Variants in SMARCC1 observed in about 807,000 individuals in gnomAD.
The protein encoded by SMARCC1 is SWI/SNF related BAF chromatin remodeling complex subunit C1.
SMARCC1 carries 43 observed loss-of-function variants against 147.4 expected under a neutral mutation model. The ratio of observed to expected loss-of-function variants is 0.29; its 90% CI spans 0.23 to 0.38. SMARCC1 has a LOEUF of 0.38. Ranked by LOEUF, SMARCC1 falls within the 10% of genes least tolerant of loss-of-function variation. SMARCC1 has a pLI of 1.00. For synonymous variants in SMARCC1, 495 were observed against 484.4 expected, an observed-to-expected ratio of 1.02 and a Z score of -0.29; for missense variants, 1,119 against 1,381.1, an observed-to-expected ratio of 0.81 and a Z score of 3.01.
At chr3:47,641,537 T>C (rs1181247903) in intron 21 of SMARCC1, among the ~76,000 whole-genome samples, 1 of 152,114 alleles carries the variant, frequency 6.6e-6, no homozygotes, top group Non-Finnish European at 1.5e-5. Flanking sequence ...AGTTAAAATG[T>C]GCACAGACTA....
chr3:47,747,486 A>ATAAAT (rs1185664403), intron 2 of SMARCC1, among the ~76,000 whole-genome samples: 1 of 12,712 alleles, frequency 7.9e-5, no homozygotes, highest in Non-Finnish European at 7.0e-4. Flanking sequence ...TAAATATAAA[A>ATAAAT]ATTAGCCAGG....
intron 12 of SMARCC1, among the ~76,000 whole-genome samples, chr3:47,692,458 T>C (rs967255180): frequency 6.6e-6 from 1 of 152,264 alleles, no homozygotes; most frequent in African/African-American, 2.4e-5. Context: ...TTTTGCATAC[T>C]GTTACAAAAA....
intron 26 of SMARCC1, among the ~76,000 whole-genome samples, chr3:47,606,973 G>A (rs933260831): frequency 1.3e-5 from 2 of 151,352 alleles, no homozygotes; most frequent in South Asian, 2.1e-4. Context: ...TCTTGGCCTC[G>A]CAAAGTGCTG....
At chr3:47,748,000 AT>A in intron 2 of SMARCC1, among the ~76,000 whole-genome samples, 1 of 151,818 alleles carries the variant, frequency 6.6e-6, no homozygotes, top group Admixed American at 6.6e-5. Flanking sequence ...TCTACTAAAA[AT>A]ACAAAAATTA....
chr3:47,660,532 G>C (rs181820764), intron 21 of SMARCC1, among the ~76,000 whole-genome samples: 1 of 145,438 alleles, frequency 6.9e-6, no homozygotes, highest in Admixed American at 6.8e-5. Flanking sequence ...TCCACACAAA[G>C]AAATAATCAG....
At chr3:47,761,303 GA>G (rs533602815) in intron 2 of SMARCC1, among the ~76,000 whole-genome samples, 9 of 143,122 alleles carry the variant, frequency 6.3e-5, no homozygotes, top group South Asian at 2.2e-4. Flanking sequence ...CAGTATCTCA[GA>G]AAAAAAAAAG....
intron 2 of SMARCC1, among the ~76,000 whole-genome samples, chr3:47,768,534 T>C (rs1576436802): frequency 6.6e-6 from 1 of 152,228 alleles, no homozygotes; most frequent in Non-Finnish European, 1.5e-5. Context: ...ATTTCAATCG[T>C]ATTATGTAAA....
At chr3:47,755,639 ATGAGGTCAGGAGTT>A (rs2034687973) in intron 2 of SMARCC1, among the ~76,000 whole-genome samples, 1 of 151,866 alleles carries the variant, frequency 6.6e-6, no homozygotes, top group Admixed American at 6.6e-5. Context: ...CGGGCGGATC[ATGAGGTCAGGAGTT>A]CGAGACCACC....
chr3:47,696,704 G>T (rs1357026847), intron 11 of SMARCC1, among the ~76,000 whole-genome samples: 3 of 151,854 alleles, frequency 2.0e-5, no homozygotes, highest in Admixed American at 2.0e-4. Context: ...TGTATTTTTA[G>T]TAGAGACAGG....
chr3:47,606,620 T>C (rs2106663568), intron 26 of SMARCC1, among the ~76,000 whole-genome samples: 1 of 152,318 alleles, frequency 6.6e-6, no homozygotes, highest in Non-Finnish European at 1.5e-5. Flanking sequence ...TTTAGCACCA[T>C]CAAGAGCCAA....
At position 47,730,480 on chromosome 3, in the gene SMARCC1, G is replaced by C. The variant is rs564487201; in HGVS notation, c.577-1386C>G. Among the ~76,000 whole-genome samples the C allele has an allele frequency of 3.1e-4, 47 of 152,258 alleles. No homozygotes were observed. In the South Asian group the frequency reaches 9.5e-3, roughly 31 times the overall value. ...TGGGCAATACAGTGAGAGAGACCCT[G>C]TCTCTCAAAACAAAAATCAAAAGTT... On this transcript the variant is annotated intron_variant, in intron 5 of 27. Transcript: ENST00000254480.
intron 21 of SMARCC1, among the ~76,000 whole-genome samples, chr3:47,652,184 C>G (rs2033198540): frequency 6.6e-6 from 1 of 152,020 alleles, no homozygotes; most frequent in Non-Finnish European, 1.5e-5. Flanking sequence ...CTATGTTGAC[C>G]AGGCTGGTCT....
chr3:47,738,112 T>TAA lies in SMARCC1; in HGVS notation c.402-4_402-3dup. 3.3e-6 allele frequency: 5 copies of TAA among 1,511,964 alleles called. No individual in the cohort carries two copies. Among genetic ancestry groups the TAA allele is most frequent in the South Asian group, 1.3e-5 (1 of 76,132 alleles). 93.7% of individuals were successfully genotyped at this position (1,511,964 alleles called of 1,614,324 possible). A position where few individuals can be genotyped will look rare whatever the true frequency, so the allele number is the denominator to read the frequency against. ...GGGTTCTGTAGGTCAAACCTCCGCC[T>TAA]AAAAAAAAAGAAAAACCCTAGTTAA... On this transcript the variant is annotated splice_region_variant and splice_polypyrimidine_tract_variant and intron_variant, in intron 3 of 27. Transcript: ENST00000254480.
chr3:47,659,759 A>AGG (rs1559637270), intron 21 of SMARCC1, among the ~76,000 whole-genome samples: 22 of 26,072 alleles, frequency 8.4e-4, no homozygotes, highest in South Asian at 1.7e-3. Flanking sequence ...AGAAAAAAAA[A>AGG]AGGGGGGGGG....
At chr3:47,644,417 G>A (rs2033091599) in intron 21 of SMARCC1, among the ~76,000 whole-genome samples, 1 of 152,140 alleles carries the variant, frequency 6.6e-6, no homozygotes, top group African/African-American at 2.4e-5. Context: ...GATCACTTGG[G>A]CCTAGGTGTT....
intron 26 of SMARCC1, among the ~76,000 whole-genome samples, chr3:47,598,862 G>GACAC (rs113400730): frequency 0.11 from 14,263 of 127,988 alleles, 883 homozygotes; most frequent in Non-Finnish European, 0.14. Context: ...GAGAGAGAGA[G>GACAC]ACACACACAC....
In SMARCC1 at chr3:47,662,364, C is replaced by T. The variant is rs750711915; in HGVS notation, c.2128G>A (p.Val710Met). The change falls in exon 20 of 28, where the codon GTG (valine) becomes ATG (methionine). Residue 710 changes from valine to methionine, a missense_variant. Val to Met is a conservative substitution (Grantham distance 21, BLOSUM62 1). Around this residue, in one of 6 missense-constraint regions of SMARCC1, gnomAD observed 178 missense variants for 264.6 expected, o/e 0.67. Transcript: ENST00000254480. ...AFLASVVDPR[V>M]ASAAAKAALE... ...GCCGCTTTTGCTGCAGCAGATGCCA[C>T]GCGAGGGTCCACCACAGATGCCAAA... 21 of 1,613,934 alleles carry T rather than the reference C, an allele frequency of 1.3e-5. No homozygotes were observed. Among genetic ancestry groups the T allele is most frequent in the South Asian group, 2.2e-5 (2 of 91,066 alleles).
At chr3:47,658,364 AT>A in intron 21 of SMARCC1, among the ~76,000 whole-genome samples, 1 of 152,356 alleles carries the variant, frequency 6.6e-6, no homozygotes, top group Middle Eastern at 3.4e-3. Context: ...ACGTGCAACC[AT>A]CCCCATGGTA....
At chr3:47,595,675 T>C (rs1252923192) in intron 26 of SMARCC1, among the ~76,000 whole-genome samples, 1 of 152,110 alleles carries the variant, frequency 6.6e-6, no homozygotes, top group Admixed American at 6.6e-5. Flanking sequence ...TACCATACCC[T>C]TTTGTGGTAC....
Sources: allele counts gnomAD v4.1 joint callset (sites outside exome capture counted in the v4.1 genomes callset), GRCh38; gene constraint gnomAD v4.1.1; regional missense constraint gnomAD v4.1.1; transcripts MANE v1.5; gene names NCBI Gene and HGNC (gene_info 2026-07-23, HGNC 2026-07-21).